Variants in MIGA1 observed in about 807,000 individuals in gnomAD.
The protein encoded by MIGA1 is family with sequence similarity 73, member A.
MIGA1 carries 58 observed loss-of-function variants against 82.0 expected under a neutral mutation model. That is an observed-to-expected ratio of 0.71 (90% confidence interval 0.57 to 0.88). The LOEUF (loss-of-function observed/expected upper bound fraction) is 0.88. Ranked by LOEUF, MIGA1 falls within the 40% of genes least tolerant of loss-of-function variation. The pLI, the probability that MIGA1 is intolerant of heterozygous loss-of-function variation, is 0.00. For missense variants in MIGA1, 751 were observed against 749.1 expected (o/e 1.00, Z -0.03); for synonymous variants, 249 against 253.6 (o/e 0.98, Z 0.17).
rs1424980640 is a variant in MIGA1, at chr1:77,858,983, C to T, written c.1042C>T (p.Leu348Phe). 6.2e-7 allele frequency: 1 copy of T among 1,614,052 alleles called. No individual in the cohort carries two copies. ...ACGGCATACCTACAGCCTGGAGTCC[C>T]TTTGTCACTGCCCATTTTACGAGGA... Residue 348 changes from leucine (L) to phenylalanine (F), a missense_variant, in exon 9 of 16, where the codon CTT (leucine) becomes TTT (phenylalanine). Leu to Phe is a conservative substitution (Grantham distance 22). This residue lies in a region of MIGA1 where 482 missense variants were observed against 439.4 expected (regional missense o/e 1.10). Coordinates refer to ENST00000370791, the MANE Select transcript of MIGA1 (RefSeq NM_198549.4).
At chr1:77,826,200 G>A (rs1158187402) in intron 7 of MIGA1, among the ~76,000 whole-genome samples, 1 of 152,024 alleles carries the variant, frequency 6.6e-6, no homozygotes, top group East Asian at 1.9e-4. Context: ...TTTTTTCTGG[G>A]AATTAATTTG....
intron 7 of MIGA1, among the ~76,000 whole-genome samples, chr1:77,841,103 T>C (rs1684611392): frequency 6.6e-6 from 1 of 152,172 alleles, no homozygotes; most frequent in Non-Finnish European, 1.5e-5. Flanking sequence ...GAAACAATTA[T>C]GTTGTTTTAT....
intron 7 of MIGA1, among the ~76,000 whole-genome samples, chr1:77,821,948 C>T (rs1350476246): frequency 6.6e-6 from 1 of 152,130 alleles, no homozygotes; most frequent in Non-Finnish European, 1.5e-5. Context: ...TTCTGGAGAT[C>T]TAATGTATAG....
At chr1:77,818,214 C>G (rs1035421027) in intron 7 of MIGA1, among the ~76,000 whole-genome samples, 3 of 151,710 alleles carry the variant, frequency 2.0e-5, no homozygotes, top group African/African-American at 7.3e-5. Context: ...ACCTCCGCCT[C>G]CCAGGTTCAA....
chr1:77,796,027 A>G (rs1314862770), intron 2 of MIGA1, among the ~76,000 whole-genome samples: 2 of 151,908 alleles, frequency 1.3e-5, no homozygotes, highest in Non-Finnish European at 2.9e-5. Context: ...ATAGTGTATT[A>G]CTCATAATAT....
chr1:77,814,332 TTCA>T (rs917629610), intron 6 of MIGA1, among the ~76,000 whole-genome samples: 130 of 152,330 alleles, frequency 8.5e-4, no homozygotes, highest in Non-Finnish European at 6.8e-4. Context: ...AGATTTACCA[TTCA>T]TCAAGTTTAT....
chr1:77,788,662 G>T (rs945121201), intron 2 of MIGA1, among the ~76,000 whole-genome samples: 26 of 151,962 alleles, frequency 1.7e-4, no homozygotes, highest in Non-Finnish European at 1.0e-4. Context: ...ATTAGGTAAG[G>T]GTCCAGTTTT....
chr1:77,869,565 C>CG (rs1553228936), intron 14 of MIGA1, among the ~76,000 whole-genome samples: 1 of 137,192 alleles, frequency 7.3e-6, no homozygotes, highest in African/African-American at 2.7e-5. Flanking sequence ...GCTGGCCGGG[C>CG]GGGGGGCTGA....
At position 77,875,419 on chromosome 1, in the gene MIGA1, A is replaced by T. The variant is rs554315217; in HGVS notation, c.*355A>T. Reference sequence around the variant, plus strand: ...TGTTTTTATGCTTTGCACCTTTAAAATGTACACTTTAGCCAAGGTCTTTGT... The same window carrying T: ...TGTTTTTATGCTTTGCACCTTTAAATTGTACACTTTAGCCAAGGTCTTTGT... On this transcript the variant is annotated 3_prime_UTR_variant, in exon 16 of 16. Coordinates refer to ENST00000370791, the MANE Select transcript of MIGA1 (RefSeq NM_198549.4). The T allele has an allele frequency of 6.6e-4, 124 of 186,942 alleles. 1 individual carries two copies. Among genetic ancestry groups the T allele is most frequent in the African/African-American group, 2.8e-3 (119 of 42,278 alleles). The allele number at this position is 186,942 out of a possible 1,614,324, so 11.6% of individuals were successfully genotyped here.
chr1:77,805,121 A>G (rs1455513932), intron 4 of MIGA1, among the ~76,000 whole-genome samples: 1 of 151,164 alleles, frequency 6.6e-6, no homozygotes, highest in Non-Finnish European at 1.5e-5. Flanking sequence ...CAGCCTCCCG[A>G]GTAGCTGGGA....
At chr1:77,814,329 C>G (rs2101801673) in intron 6 of MIGA1, among the ~76,000 whole-genome samples, 1 of 152,208 alleles carries the variant, frequency 6.6e-6, no homozygotes, top group East Asian at 1.9e-4. Context: ...GCCAGATTTA[C>G]CATTCATCAA....
intron 7 of MIGA1, among the ~76,000 whole-genome samples, chr1:77,822,835 GTTTTTTTTTTT>G (rs752488187): frequency 9.1e-6 from 1 of 109,378 alleles, no homozygotes; most frequent in African/African-American, 3.4e-5. Flanking sequence ...CTTTCAGCAT[GTTTTTTTTTTT>G]TTTTTTTTTT....
intron 8 of MIGA1, among the ~76,000 whole-genome samples, chr1:77,857,601 G>T (rs974833759): frequency 3.3e-5 from 5 of 151,872 alleles, no homozygotes; most frequent in Admixed American, 2.6e-4. Flanking sequence ...GATCACTTGA[G>T]CCCAGGAGTT....
At chr1:77,855,071 A>G (rs940596989) in intron 8 of MIGA1, among the ~76,000 whole-genome samples, 1 of 152,128 alleles carries the variant, frequency 6.6e-6, no homozygotes, top group Non-Finnish European at 1.5e-5. Flanking sequence ...TGATTTTTGT[A>G]TAAGATGAGA....
In MIGA1 at chr1:77,876,757, A is replaced by T. The variant is rs1390189863; in HGVS notation, c.*1693A>T. On this transcript the variant is annotated 3_prime_UTR_variant, in exon 16 of 16. Coordinates refer to ENST00000370791, the MANE Select transcript of MIGA1 (RefSeq NM_198549.4). ...TGTAAAACAAAAATATTTTTTAATG[A>T]TGTGGAAGTATATATTTCATGTTCA... 1.3e-5 allele frequency: 2 copies of T among 152,228 alleles called. No homozygotes were observed. The highest frequency in any genetic ancestry group is 4.8e-5 in the African/African-American group (2 of 41,456). The allele number at this position is 152,228 out of a possible 1,614,324, so 9.4% of individuals were successfully genotyped here. A position where few individuals can be genotyped will look rare whatever the true frequency, so the allele number is the denominator to read the frequency against.
intron 14 of MIGA1, among the ~76,000 whole-genome samples, chr1:77,871,913 T>C (rs545507421): frequency 7.0e-4 from 107 of 152,320 alleles, no homozygotes; most frequent in African/African-American, 2.5e-3. Context: ...ATAAAACTTA[T>C]ACAACTAAGG....
At chr1:77,847,561 C>G in intron 8 of MIGA1, 3 of 1,497,154 alleles carry the variant, frequency 2.0e-6, no homozygotes, top group Non-Finnish European at 2.8e-6. Context: ...GATAAAGAGG[C>G]ATTTGTGACA....
At chr1:77,808,211 G>T (rs996410506) in intron 5 of MIGA1, among the ~76,000 whole-genome samples, 5 of 147,000 alleles carry the variant, frequency 3.4e-5, no homozygotes, top group African/African-American at 1.0e-4. Flanking sequence ...ATGTATACAT[G>T]TGCCATTCTC....
At chr1:77,827,367 G>T (rs557200842) in intron 7 of MIGA1, among the ~76,000 whole-genome samples, 1 of 152,222 alleles carries the variant, frequency 6.6e-6, no homozygotes, top group African/African-American at 2.4e-5. Flanking sequence ...TCAGCTACTT[G>T]GGAGGCTGAG....
Sources: allele counts gnomAD v4.1 joint callset (sites outside exome capture counted in the v4.1 genomes callset), GRCh38; gene constraint gnomAD v4.1.1; regional missense constraint gnomAD v4.1.1; transcripts MANE v1.5; gene names NCBI Gene and HGNC (gene_info 2026-07-23, HGNC 2026-07-21).